RANBP2: variants seen among roughly 807,000 people sequenced by gnomAD.
RANBP2 encodes the protein E3 SUMO-protein ligase RanBP2.
RANBP2 carries 57 observed loss-of-function variants against 303.6 expected under a neutral mutation model. That is an observed-to-expected ratio of 0.19 (90% CI 0.15 to 0.23). RANBP2 has a LOEUF of 0.23. Among genes scored for constraint, RANBP2 ranks in the 10% least tolerant of loss-of-function variants. The probability of loss-of-function intolerance (pLI) is 1.00; values close to 1 mark genes in which losing one functional copy is unlikely to be tolerated. For missense variants in RANBP2, 3,138 were observed against 3,780.8 expected, an observed-to-expected ratio of 0.83 and a Z score of 4.46; for synonymous variants, 1,167 against 1,301.5, an observed-to-expected ratio of 0.90 and a Z score of 2.23.
At chr2:108,908,077 A>G in the RANBP2 span, 2 of 1,534,878 alleles carry the variant, frequency 1.3e-6, no homozygotes, top group African/African-American at 1.4e-5. Flanking sequence ...AGCCCTGACA[A>G]GTTCTCCTGT....
chr2:109,328,105 A>G, the RANBP2 span, among the ~76,000 whole-genome samples: 7 of 152,350 alleles, frequency 4.6e-5, no homozygotes, highest in South Asian at 1.4e-3. Flanking sequence ...AGTATGTATT[A>G]CCAACAGATG....
At chr2:109,343,719 T>TCTGCCCTGCTC in the RANBP2 span, among the ~76,000 whole-genome samples, 1 of 150,664 alleles carries the variant, frequency 6.6e-6, no homozygotes, top group African/African-American at 2.4e-5. Flanking sequence ...TGCCCCTGCT[T>TCTGCCCTGCTC]CTGCCCTGCT....
At chr2:109,587,397 T>C in the RANBP2 span, among the ~76,000 whole-genome samples, 1 of 151,738 alleles carries the variant, frequency 6.6e-6, no homozygotes, top group Non-Finnish European at 1.5e-5. Flanking sequence ...TGATCTAACA[T>C]ACCAGTAATT....
At chr2:108,791,939 A>G in the RANBP2 span, 29 of 868,104 alleles carry the variant, frequency 3.3e-5, no homozygotes, top group East Asian at 6.5e-4. Context: ...AAGCTAGGAG[A>G]TAGTTACTGT....
the RANBP2 span, among the ~76,000 whole-genome samples, chr2:109,047,096 C>T: frequency 6.6e-6 from 1 of 152,052 alleles, no homozygotes; most frequent in Non-Finnish European, 1.5e-5. Flanking sequence ...GCTCCTCCTT[C>T]AGCTCTCCCT....
At chr2:109,625,274 G>T in the RANBP2 span, among the ~76,000 whole-genome samples, 1 of 151,972 alleles carries the variant, frequency 6.6e-6, no homozygotes, top group African/African-American at 2.4e-5. Context: ...AATAGCAGCA[G>T]AAAAGGGAAC....
the RANBP2 span, among the ~76,000 whole-genome samples, chr2:108,843,886 C>CTTTTT: frequency 3.2e-5 from 3 of 94,014 alleles, no homozygotes; most frequent in African/African-American, 5.3e-5. Context: ...GTGTTTCTTT[C>CTTTTT]TTTTTTTTTT....
chr2:109,333,073 C>T, the RANBP2 span, among the ~76,000 whole-genome samples: 2 of 152,230 alleles, frequency 1.3e-5, no homozygotes, highest in South Asian at 4.1e-4. Flanking sequence ...TGCCTGGTGC[C>T]CTGCAGCTCC....
chr2:109,159,082 A>C, the RANBP2 span, among the ~76,000 whole-genome samples: 1 of 152,206 alleles, frequency 6.6e-6, no homozygotes, highest in Non-Finnish European at 1.5e-5. Flanking sequence ...GCACCACTGC[A>C]CTCCAGCCTG....
At chr2:109,237,267 A>G in the RANBP2 span, among the ~76,000 whole-genome samples, 1 of 152,376 alleles carries the variant, frequency 6.6e-6, no homozygotes, top group African/African-American at 2.4e-5. Context: ...AACTGACAAT[A>G]ATTAATGTTG....
chr2:109,476,837 C>T, the RANBP2 span, among the ~76,000 whole-genome samples: 2 of 152,290 alleles, frequency 1.3e-5, no homozygotes, highest in African/African-American at 2.4e-5. Context: ...ATTATTCACA[C>T]CTCCCCTTAT....
chr2:108,807,983 C>T, the RANBP2 span, among the ~76,000 whole-genome samples: 3 of 152,150 alleles, frequency 2.0e-5, no homozygotes, highest in Admixed American at 1.3e-4. Context: ...CCATCCCAAC[C>T]TCTAGTAACC....
the RANBP2 span, among the ~76,000 whole-genome samples, chr2:109,601,468 A>G: frequency 6.6e-6 from 1 of 152,192 alleles, no homozygotes; most frequent in Admixed American, 6.5e-5. Context: ...CAAAACTAAC[A>G]TCTTAATTTA....
At chr2:109,193,716 TAC>T in the RANBP2 span, among the ~76,000 whole-genome samples, 1 of 152,206 alleles carries the variant, frequency 6.6e-6, no homozygotes, top group Non-Finnish European at 1.5e-5. Flanking sequence ...GTATGTAGTA[TAC>T]ATTCTGACCC....
At chr2:109,316,231 G>A in the RANBP2 span, among the ~76,000 whole-genome samples, 47,469 of 152,058 alleles carry the variant, frequency 0.31, 9,190 homozygotes, top group African/African-American at 0.55. Flanking sequence ...TTCATCTCTC[G>A]CAGCAGATCT....
At chr2:109,251,036 C>T in the RANBP2 span, among the ~76,000 whole-genome samples, 1 of 151,894 alleles carries the variant, frequency 6.6e-6, no homozygotes, top group African/African-American at 2.4e-5. Context: ...GAGTCTCACT[C>T]TGTCGCCCAG....
At chr2:109,322,941 T>C in the RANBP2 span, among the ~76,000 whole-genome samples, 1 of 152,134 alleles carries the variant, frequency 6.6e-6, no homozygotes, top group Non-Finnish European at 1.5e-5. Flanking sequence ...TGGAATTTAG[T>C]GAGAGTGGGC....
intron 6 of RANBP2, among the ~76,000 whole-genome samples, chr2:108,740,152 T>G (rs1695959631): frequency 6.6e-6 from 1 of 152,246 alleles, no homozygotes; most frequent in Non-Finnish European, 1.5e-5. Flanking sequence ...TGAAATTATA[T>G]GATCAGGAAG....
the RANBP2 span, among the ~76,000 whole-genome samples, chr2:109,276,101 G>A: frequency 4.1e-3 from 629 of 152,192 alleles, 1 homozygote; most frequent in African/African-American, 0.014. Context: ...GGGGGATCTC[G>A]GACCCAGTGA....
Sources: allele counts gnomAD v4.1 joint callset (sites outside exome capture counted in the v4.1 genomes callset), GRCh38; gene constraint gnomAD v4.1.1; transcripts MANE v1.5; gene names NCBI Gene and HGNC (gene_info 2026-07-23, HGNC 2026-07-21).